PAX7: variants seen among roughly 807,000 people sequenced by gnomAD.
The protein encoded by PAX7 is paired box protein Pax-7.
A neutral mutation model predicts 50.7 loss-of-function variants in PAX7; 18 were observed. The ratio of observed to expected loss-of-function variants is 0.36; its 90% CI spans 0.25 to 0.53. PAX7 has a LOEUF of 0.53. PAX7 is among the 20% of genes least tolerant of loss of function. PAX7 has a pLI of 0.93. For missense variants in PAX7, 644 were observed against 702.9 expected (o/e 0.92, Z 0.95); for synonymous variants, 310 against 290.4 (o/e 1.07, Z -0.69).
intron 7 of PAX7, among the ~76,000 whole-genome samples, chr1:18,712,068 C>T (rs984716077): frequency 1.3e-5 from 2 of 151,972 alleles, no homozygotes; most frequent in East Asian, 1.9e-4. Flanking sequence ...GTTCTCTTGG[C>T]GAGGCCAGCC....
At chr1:18,638,349 C>CT (rs2088195722) in intron 4 of PAX7, among the ~76,000 whole-genome samples, 1 of 152,188 alleles carries the variant, frequency 6.6e-6, no homozygotes, top group African/African-American at 2.4e-5. Flanking sequence ...CTCACCACAC[C>CT]AGCTAACAAG....
intron 5 of PAX7, among the ~76,000 whole-genome samples, chr1:18,695,838 T>G (rs2100307012): frequency 6.6e-6 from 1 of 152,316 alleles, no homozygotes; most frequent in African/African-American, 2.4e-5. Flanking sequence ...CTCCCATGAC[T>G]GCCTCTGATG....
At chr1:18,652,629 A>G (rs900111795) in intron 4 of PAX7, among the ~76,000 whole-genome samples, 2 of 152,240 alleles carry the variant, frequency 1.3e-5, no homozygotes, top group Non-Finnish European at 2.9e-5. Context: ...GACAATGGCC[A>G]GTTGAGAGCT....
intron 7 of PAX7, among the ~76,000 whole-genome samples, chr1:18,728,845 A>G (rs1035953160): frequency 1.5e-4 from 23 of 151,850 alleles, no homozygotes; most frequent in Admixed American, 1.4e-3. Context: ...AGCCTGGGCA[A>G]CAAGAGTGAA....
intron 7 of PAX7, among the ~76,000 whole-genome samples, chr1:18,718,674 C>T (rs987365579): frequency 2.2e-4 from 33 of 151,284 alleles, no homozygotes; most frequent in African/African-American, 4.1e-4. Flanking sequence ...ATGGGAGTCT[C>T]GCTGTGTCGC....
intron 4 of PAX7, among the ~76,000 whole-genome samples, chr1:18,688,248 A>G (rs545114597): frequency 1.3e-5 from 2 of 152,362 alleles, no homozygotes; most frequent in East Asian, 3.9e-4. Context: ...TAAAAACCAT[A>G]AATAGCATAA....
intron 4 of PAX7, among the ~76,000 whole-genome samples, chr1:18,663,628 C>A (rs1434842891): frequency 6.6e-6 from 1 of 152,150 alleles, no homozygotes; most frequent in Non-Finnish European, 1.5e-5. Flanking sequence ...GTGATCCACC[C>A]GTCTCGGCCT....
At chr1:18,724,427 A>G (rs1024598173) in intron 7 of PAX7, among the ~76,000 whole-genome samples, 3 of 152,258 alleles carry the variant, frequency 2.0e-5, no homozygotes, top group Non-Finnish European at 4.4e-5. Flanking sequence ...CGGGCATGGT[A>G]GCTCAAACCC....
rs112190888 is a variant in PAX7, at chr1:18,632,187, C to A, written c.85+499C>A. 6.6e-6 allele frequency among the ~76,000 whole-genome samples: 1 copy of A among 152,174 alleles called. No homozygotes were observed. On this transcript the variant is annotated intron_variant, in intron 1 of 8. Transcript: ENST00000420770. This position sits in a 1 kb window ranked among gnomAD's most constrained non-coding sequence, Gnocchi z 6.3. ...CAACTACCACGGCTATCCATTTCTT[C>A]CGAAGCCACAGTCAAACACTCCTGC...
chr1:18,694,651 A>G (rs1180140394), intron 5 of PAX7, among the ~76,000 whole-genome samples: 1 of 152,188 alleles, frequency 6.6e-6, no homozygotes, highest in East Asian at 1.9e-4. Flanking sequence ...GGTCTCCAGG[A>G]AAGAGCTCAG....
At chr1:18,690,660 C>T (rs762241645) in intron 4 of PAX7, among the ~76,000 whole-genome samples, 1 of 152,236 alleles carries the variant, frequency 6.6e-6, no homozygotes, top group Non-Finnish European at 1.5e-5. Flanking sequence ...CTGGGCTCTC[C>T]AGGCCCAGGC....
At position 18,744,705 on chromosome 1, in the gene PAX7, G is replaced by GATGGATAGATAA. The variant is rs1553145071; in HGVS notation, c.1403-103_1403-102insAGATAAATGGAT. 1.7e-5 allele frequency: 10 copies of GATGGATAGATAA among 598,102 alleles called. No homozygotes were observed. In the African/African-American group the frequency reaches 2.0e-4, roughly 12 times the overall value. 37.0% of individuals were successfully genotyped at this position (598,102 alleles called of 1,614,324 possible). The stretch of plus-strand genomic sequence containing the variant: ...GGATGGATAAATGGATGGATGGATG[G>GATGGATAGATAA]ATGGATGGATGGATGGATGGATGGA... On this transcript the variant is annotated intron_variant, in intron 8 of 8. Transcript: ENST00000420770.
chr1:18,743,772 CA>C (rs1053840294), intron 8 of PAX7, among the ~76,000 whole-genome samples: 2 of 152,226 alleles, frequency 1.3e-5, no homozygotes, highest in African/African-American at 4.8e-5. Context: ...TGCACATACA[CA>C]AATATAGAGG....
At chr1:18,645,250 G>A (rs2088319869) in intron 4 of PAX7, among the ~76,000 whole-genome samples, 1 of 152,228 alleles carries the variant, frequency 6.6e-6, no homozygotes, top group African/African-American at 2.4e-5. Flanking sequence ...TCGGCGGGCT[G>A]GGCCTTGCTT....
intron 7 of PAX7, among the ~76,000 whole-genome samples, chr1:18,706,623 C>T (rs996885764): frequency 7.2e-6 from 1 of 138,332 alleles, no homozygotes; most frequent in Non-Finnish European, 1.6e-5. Flanking sequence ...GCTGGGATTA[C>T]AGGCCCCTGC....
intron 7 of PAX7, among the ~76,000 whole-genome samples, chr1:18,732,957 G>A (rs1345966531): frequency 6.6e-6 from 1 of 152,150 alleles, no homozygotes; most frequent in African/African-American, 2.4e-5. Flanking sequence ...CTGTCCTTCT[G>A]AAAGAAGTGA....
At chr1:18,701,636 A>C (rs534435374) in intron 6 of PAX7, among the ~76,000 whole-genome samples, 64 of 152,290 alleles carry the variant, frequency 4.2e-4, no homozygotes, top group African/African-American at 1.5e-3. Flanking sequence ...CAGAGATGGA[A>C]TAAAGGTCAG....
chr1:18,737,190 C>A (rs1930762339), intron 8 of PAX7, among the ~76,000 whole-genome samples: 1 of 152,262 alleles, frequency 6.6e-6, no homozygotes, highest in African/African-American at 2.4e-5. Context: ...TCCTGCCCCA[C>A]CGCCCTGCAA....
chr1:18,730,663 G>A (rs867305633), intron 7 of PAX7, among the ~76,000 whole-genome samples: 3 of 152,162 alleles, frequency 2.0e-5, no homozygotes, highest in Admixed American at 6.5e-5. Context: ...CCAGGCCCTC[G>A]GGGCCAGCTC....
Sources: allele counts gnomAD v4.1 joint callset (sites outside exome capture counted in the v4.1 genomes callset), GRCh38; gene constraint gnomAD v4.1.1; non-coding constraint Gnocchi (gnomAD v3.1); transcripts MANE v1.5; gene names NCBI Gene and HGNC (gene_info 2026-07-23, HGNC 2026-07-21).